Variants in FBN3 observed in about 807,000 individuals in gnomAD.
FBN3 encodes the protein fibrillin 3.
Under a neutral mutation model 330.1 loss-of-function variants are expected in FBN3, and 234 were observed. The ratio of observed to expected loss-of-function variants is 0.71; its 90% CI spans 0.64 to 0.79. The LOEUF is 0.79. Among genes scored for constraint, FBN3 ranks in the 30% least tolerant of loss-of-function variants. The pLI is 0.00. For synonymous variants in FBN3, 1,458 were observed against 1,517.3 expected, an observed-to-expected ratio of 0.96 and a Z score of 0.91; for missense variants, 3,606 against 3,886.9, an observed-to-expected ratio of 0.93 and a Z score of 1.92.
rs374328683 is a variant in FBN3, at chr19:8,087,778, T to C, written c.6619+47A>G. ...CGTGTGCCACCATGCCCAGCTAATT[T>C]TGTATTTTTAGTAGAGACAGGGTTT... On this transcript the variant is annotated intron_variant, in intron 53 of 63. Coordinates refer to ENST00000600128, the MANE Select transcript of FBN3 (RefSeq NM_032447.5). 9.0e-5 allele frequency: 139 copies of C among 1,549,458 alleles called. No individual in the cohort carries two copies. The African/African-American group carries it at 1.6e-3, about 18-fold the overall frequency.
intron 14 of FBN3, among the ~76,000 whole-genome samples, 180 bp downstream of exon 14, chr19:8,132,804 C>CT (rs1451057778): frequency 1.3e-5 from 2 of 152,052 alleles, no homozygotes; most frequent in East Asian, 3.8e-4. Flanking sequence ...TCTTTTCTTC[C>CT]TTTTCTTCTT....
chr19:8,141,864 G>A (rs12162233), intron 7 of FBN3, 22 bp from the exon 8 acceptor site: 790,114 of 1,612,912 alleles, frequency 0.49, 197,211 homozygotes, highest in South Asian at 0.68. Flanking sequence ...AAGCCCGGCA[G>A]GGGAGTGAGA....
intron 40 of FBN3, 152 bp downstream of exon 40, chr19:8,102,572 T>G: frequency 7.6e-5 from 54 of 707,408 alleles, no homozygotes; most frequent in Non-Finnish European, 1.1e-4. Context: ...CACAGCAGTA[T>G]GAGAATGGAC....
Position 8,110,876 on chromosome 19 carries a change from G to A in FBN3, c.4302C>T (p.Tyr1434=), listed in dbSNP as rs188698253. The A allele has an allele frequency of 9.2e-5, 148 of 1,614,208 alleles. 2 individuals carry two copies. In the East Asian group the frequency reaches 1.5e-3, roughly 17 times the overall value. The change falls in exon 34 of 64, where the codon TAC becomes TAT. Residue 1434 remains tyrosine (Y), a synonymous_variant. Transcript: ENST00000600128. ...AGTTGCCACCCCCTCGGTCCAGTTC[G>A]TAGCCACCATTGCAGATGCAGCGGA... ...GMFRCICNGG[Y]ELDRGGGNCT... is the part of the protein sequence containing the mutation.
rs775246760 is a variant in FBN3, at chr19:8,106,120, G to A, written c.4801C>T (p.Arg1601Cys). 6.2e-6 allele frequency: 10 copies of A among 1,613,984 alleles called. No individual in the cohort carries two copies. Among genetic ancestry groups the A allele is most frequent in the Non-Finnish European group, 8.5e-6 (10 of 1,179,998 alleles). ...AATCCATGCTCACCCTCACAGATGC[G>A]GGTGTGCTCACTGAGGTGGTAGCCA... The part of the protein sequence containing the change: ...PPGYHLSEHT[R>C]ICEDIDECST... The change falls in exon 38 of 64, where the codon CGC becomes TGC. Residue 1601 changes from arginine (R) to cysteine (C), a missense_variant. Arg to Cys is a radical substitution (Grantham distance 180, BLOSUM62 -3). Transcript: ENST00000600128.
At chr19:8,085,663 G>T (rs563390881) in intron 55 of FBN3, 94 bp from the exon 56 acceptor site, 3 of 997,860 alleles carry the variant, frequency 3.0e-6, no homozygotes, top group East Asian at 5.6e-5. Context: ...TATTTTGGGG[G>T]TGTTGGGGAC....
intron 51 of FBN3, 116 bp downstream of exon 51, chr19:8,089,429 C>A: frequency 9.0e-7 from 1 of 1,105,780 alleles, no homozygotes; most frequent in Non-Finnish European, 1.3e-6. Context: ...GGGAGAGAGG[C>A]AGTGGTTAAG....
At chr19:8,071,955 G>A (rs73005512) in intron 63 of FBN3, 93 bp downstream of exon 63, 1 of 1,292,040 alleles carries the variant, frequency 7.7e-7, no homozygotes, top group South Asian at 1.4e-5. Context: ...GCTCCTTCTT[G>A]GGGGGGCTGA....
In FBN3 at chr19:8,131,603, C is replaced by T. The variant is rs548298626; in HGVS notation, c.1941G>A (p.Pro647=). ...GGCAGGGCTCCCCAAAACCGTGGTC[C>T]GGATTGGCACAGCAGCACTCGGACT... ...VTKSECCCAN[P]DHGFGEPCQL... is the part of the protein sequence containing the mutation. Residue 647 remains proline (P), a synonymous_variant, in exon 15 of 64, where the codon CCG becomes CCA. Transcript: ENST00000600128. The surrounding 1 kb of genome is among the most constrained non-coding windows in gnomAD (Gnocchi z 4.5). 170 of 1,613,700 alleles carry T rather than the reference C, an allele frequency of 1.1e-4. No individual in the cohort carries two copies. Among genetic ancestry groups the T allele is most frequent in the South Asian group, 7.5e-4 (68 of 91,038 alleles).
At chr19:8,094,123 G>A (rs866165824) in intron 47 of FBN3, among the ~76,000 whole-genome samples, 15 of 151,800 alleles carry the variant, frequency 9.9e-5, no homozygotes, top group South Asian at 4.2e-4. Flanking sequence ...TGATTACACC[G>A]GTGAAGCTTA....
At chr19:8,104,855 C>T (rs1264039810) in intron 38 of FBN3, among the ~76,000 whole-genome samples, 1 of 152,116 alleles carries the variant, frequency 6.6e-6, no homozygotes, top group Non-Finnish European at 1.5e-5. Flanking sequence ...TTATGGACCC[C>T]TGAAATTTGA....
intron 25 of FBN3, among the ~76,000 whole-genome samples, chr19:8,119,884 G>A (rs192232133): frequency 1.6e-5 from 2 of 126,152 alleles, no homozygotes; most frequent in African/African-American, 6.1e-5. Flanking sequence ...GCAGTGACAC[G>A]ATCACAGCTC....
At chr19:8,079,454 C>T (rs1005194846) in intron 59 of FBN3, among the ~76,000 whole-genome samples, 1 of 151,794 alleles carries the variant, frequency 6.6e-6, no homozygotes, top group Non-Finnish European at 1.5e-5. Context: ...GACAACATAA[C>T]CAAAAACAAC....
At chr19:8,135,198 T>C (rs1320644388) in intron 13 of FBN3, among the ~76,000 whole-genome samples, 1 of 151,478 alleles carries the variant, frequency 6.6e-6, no homozygotes, top group East Asian at 1.9e-4. Flanking sequence ...AGGCTGATCT[T>C]GAACTCCTGG....
chr19:8,121,253 C>A lies in FBN3; in HGVS notation c.3211+5G>T. 1 of 1,595,120 alleles carries A rather than the reference C, an allele frequency of 6.3e-7. No homozygotes were observed. The highest frequency in any genetic ancestry group is 8.6e-7 in the Non-Finnish European group (1 of 1,169,154). ...CCACCACACCCCTGCCCGGCAGTCA[C>A]CGACCCATGCAGTTCTTCATCAGCA... On this transcript the variant is annotated splice_donor_5th_base_variant and intron_variant, in intron 25 of 63. Transcript: ENST00000600128. This position sits in a 1 kb window ranked among gnomAD's most constrained non-coding sequence, Gnocchi z 4.5.
intron 56 of FBN3, among the ~76,000 whole-genome samples, chr19:8,083,986 T>G (rs969057778): frequency 2.0e-5 from 3 of 151,744 alleles, no homozygotes; most frequent in African/African-American, 4.8e-5. Context: ...GTATTTTTAA[T>G]AGAGACAGGG....
Position 8,136,289 on chromosome 19 carries a change from T to C in FBN3, c.1366A>G (p.Ser456Gly). Residue 456 changes from serine (S) to glycine (G), a missense_variant, in exon 12 of 64, where the codon AGC becomes GGC. By Grantham distance (56) the Ser-to-Gly change is moderately conservative. Transcript: ENST00000600128. ...ECIDVDECTSSPCHHGDCVNI... is the reference protein window; with the variant it reads ...ECIDVDECTSGPCHHGDCVNI... Reference sequence around the variant, plus strand: ...ACGCAGTCACCGTGGTGGCAGGGGCTGCTGGTGCATTCGTCTACATCTGAG... The same window carrying C: ...ACGCAGTCACCGTGGTGGCAGGGGCCGCTGGTGCATTCGTCTACATCTGAG... 3.1e-6 allele frequency: 5 copies of C among 1,603,108 alleles called. No homozygotes were observed. The East Asian group carries it at 1.1e-4, about 36-fold the overall frequency.
chr19:8,102,646 C>A lies in FBN3; in HGVS notation c.5089+78G>T, dbSNP rs1290158263. ...AGAACAAGGAGGATTAATCTAAGAA[C>A]CCTAAGGGCACTGTGTTTCCTTAAC... is the stretch of plus-strand genomic sequence containing the variant. On this transcript the variant is annotated intron_variant, in intron 40 of 63. Coordinates refer to ENST00000600128, the MANE Select transcript of FBN3 (RefSeq NM_032447.5). 3.5e-6 allele frequency: 5 copies of A among 1,424,660 alleles called. No individual in the cohort carries two copies. In the Admixed American group the frequency reaches 5.4e-5, roughly 15 times the overall value. 88.3% of individuals were successfully genotyped at this position (1,424,660 alleles called of 1,614,324 possible).
At chr19:8,136,145 G>C in intron 12 of FBN3, 45 bp downstream of exon 12, 1 of 1,613,114 alleles carries the variant, frequency 6.2e-7, no homozygotes, top group South Asian at 1.1e-5. Context: ...GCCTGGGCCA[G>C]AACCCCCAAC....
Sources: gnomAD v4.1 joint callset for allele counts (sites outside exome capture counted in the v4.1 genomes callset) on GRCh38, gnomAD v4.1.1 for gene constraint, Gnocchi (gnomAD v3.1) non-coding constraint, MANE v1.5 for transcripts, NCBI Gene and HGNC (gene_info 2026-07-23, HGNC 2026-07-21) for gene names.